RAD54L: variants seen among roughly 807,000 people sequenced by gnomAD.
RAD54L encodes RAD54 like.
Under a neutral mutation model 91.6 loss-of-function variants are expected in RAD54L, and 74 were observed. The ratio of observed to expected loss-of-function variants is 0.81; its 90% CI spans 0.67 to 0.98. The LOEUF (loss-of-function observed/expected upper bound fraction) is 0.98, where lower values mean the gene tolerates loss of function less well. Among genes scored for constraint, RAD54L ranks in the 50% least tolerant of loss-of-function variants. RAD54L has a pLI of 0.00. For synonymous variants in RAD54L, 304 were observed against 349.7 expected, an observed-to-expected ratio of 0.87 and a Z score of 1.46; for missense variants, 887 against 945.7, an observed-to-expected ratio of 0.94 and a Z score of 0.81.
At position 46,248,229 on chromosome 1, in the gene RAD54L, CA is replaced by C. The variant is rs147994522; in HGVS notation, c.-174del. 6.1e-4 allele frequency: 505 copies of C among 833,998 alleles called. 1 individual carries two copies. The African/African-American group carries it at 7.6e-3, about 13-fold the overall frequency. The allele number at this position is 833,998 out of a possible 1,614,324, so 51.7% of individuals were successfully genotyped here. A position where few individuals can be genotyped will look rare whatever the true frequency, so the allele number is the denominator to read the frequency against. On this transcript the variant is annotated 5_prime_UTR_variant, in exon 1 of 18. Transcript: ENST00000371975. ...GACGGCCACTCTCACAGTTTGGTTCCAAACACCAGTTCCTGGATGGATTCCC... is the reference window on the plus strand; with the variant it reads ...GACGGCCACTCTCACAGTTTGGTTCCAACACCAGTTCCTGGATGGATTCCC...
At chr1:46,273,534 G>A (rs1660497987) in intron 13 of RAD54L, 69 bp downstream of exon 13, 1 of 1,611,192 alleles carries the variant, frequency 6.2e-7, no homozygotes, top group Non-Finnish European at 8.5e-7. Context: ...TTGTGCTAGG[G>A]CTGTCCTGTT....
At chr1:46,255,642 G>A (rs1413389504) in intron 3 of RAD54L, among the ~76,000 whole-genome samples, 1 of 151,900 alleles carries the variant, frequency 6.6e-6, no homozygotes, top group African/African-American at 2.4e-5. Context: ...GGAATTATAG[G>A]TGCCCGCCCC....
At chr1:46,256,507 A>G (rs1426532831) in intron 3 of RAD54L, among the ~76,000 whole-genome samples, 1 of 152,122 alleles carries the variant, frequency 6.6e-6, no homozygotes. Flanking sequence ...TTGGGAGGCC[A>G]AGGTGAGAAA....
rs1659707946 is a variant in RAD54L at position 46,248,410 on chromosome 1, T to G, written c.3+2T>G. The stretch of plus-strand genomic sequence containing the variant: ...TTTTAAACTCCTAGGCCCAGGATGG[T>G]AAGTGTGGGCCTAGGGGAGACTGGG... On this transcript the variant is annotated splice_donor_variant, in intron 1 of 17. Transcript: ENST00000371975. LOFTEE classifies it high-confidence loss of function. 3.7e-6 allele frequency: 6 copies of G among 1,613,812 alleles called. No homozygotes were observed. The highest frequency in any genetic ancestry group is 5.1e-6 in the Non-Finnish European group (6 of 1,180,024).
intron 13 of RAD54L, 55 bp downstream of exon 13, chr1:46,273,520 T>A (rs1484445672): frequency 1.9e-6 from 3 of 1,611,412 alleles, no homozygotes; most frequent in Non-Finnish European, 1.7e-6. Flanking sequence ...TGGGAGATTT[T>A]TTTTTGTGCT....
At chr1:46,267,738 G>A in intron 9 of RAD54L, 129 bp downstream of exon 9, 1 of 1,271,200 alleles carries the variant, frequency 7.9e-7, no homozygotes, top group Non-Finnish European at 1.1e-6. Flanking sequence ...CTTGTAGGAA[G>A]GCTTCTCTTG....
rs373171339 is a variant in RAD54L at position 46,259,952 on chromosome 1, A to C, written c.272-12A>C. On this transcript the variant is annotated splice_polypyrimidine_tract_variant and intron_variant, in intron 4 of 17. Transcript: ENST00000371975. ...CATAGATTCAGGTGACGGAATGATT[A>C]TTGGTTTGTAGGTCCTCTGGGCTCT... is the stretch of plus-strand genomic sequence containing the variant. 61 of 1,613,914 alleles carry C rather than the reference A, an allele frequency of 3.8e-5. No homozygotes were observed. The highest frequency in any genetic ancestry group is 5.1e-5 in the Non-Finnish European group (60 of 1,180,000).
intron 8 of RAD54L, among the ~76,000 whole-genome samples, chr1:46,264,444 T>C (rs933880217): frequency 6.6e-6 from 1 of 152,254 alleles, no homozygotes; most frequent in African/African-American, 2.4e-5. Context: ...ATGTACAAAA[T>C]CTTTGATCCT....
chr1:46,267,707 A>G (rs900244997), intron 9 of RAD54L, 98 bp downstream of exon 9: 8 of 1,449,354 alleles, frequency 5.5e-6, no homozygotes, highest in Non-Finnish European at 7.7e-6. Flanking sequence ...AATGCTAGTT[A>G]TATGTGGGTC....
chr1:46,261,273 A>G lies in RAD54L; in HGVS notation c.779A>G (p.Asn260Ser), dbSNP rs1381728420. ...EIDQKLEGFMNQRGARVSSPI... is the reference protein window; with the variant it reads ...EIDQKLEGFMSQRGARVSSPI... ...TTTTCTGTTGTAGAAGGATTCATGA[A>G]CCAGCGTGGAGCCAGGGTGTCTTCT... The change falls in exon 8 of 18, where the codon AAC (asparagine) becomes AGC (serine). Residue 260 changes from asparagine (N) to serine (S), a missense_variant. Coordinates refer to ENST00000371975, the MANE Select transcript of RAD54L (RefSeq NM_003579.4). 2 of 1,613,338 alleles carry G rather than the reference A, an allele frequency of 1.2e-6. No homozygotes were observed. The highest frequency in any genetic ancestry group is 1.3e-5 in the African/African-American group (1 of 74,598).
At position 46,272,758 on chromosome 1, in the gene RAD54L, T is replaced by A. The variant is rs121908689; in HGVS notation, c.1331T>A (p.Val444Glu). The A allele has an allele frequency of 6.2e-7, 1 of 1,614,162 alleles. No homozygotes were observed. Among genetic ancestry groups the A allele is most frequent in the East Asian group, 2.2e-5 (1 of 44,876 alleles). ...AEELLEGKMS[V>E]SSLSSITSLK... ...GAATTGCTTGAGGGCAAGATGAGTG[T>A]GTCTTCCCTTTCTTCCATCACCTCG... The change falls in exon 12 of 18, where the codon GTG becomes GAG. Residue 444 changes from valine to glutamate, a missense_variant. By Grantham distance (121) the Val-to-Glu change is moderately radical (BLOSUM62 -2). Coordinates refer to ENST00000371975, the MANE Select transcript of RAD54L (RefSeq NM_003579.4).
At chr1:46,255,084 A>G (rs557561642) in intron 3 of RAD54L, among the ~76,000 whole-genome samples, 1 of 152,302 alleles carries the variant, frequency 6.6e-6, no homozygotes, top group Non-Finnish European at 1.5e-5. Context: ...GCCATTCGTG[A>G]TCTTGGCCAG....
Position 46,272,025 on chromosome 1 carries a change from C to CTTTTTTTTTTTTTTTTTTT in RAD54L, c.1170-425_1170-407dup, listed in dbSNP as rs1162693010. On this transcript the variant is annotated intron_variant, in intron 10 of 17. Coordinates refer to ENST00000371975, the MANE Select transcript of RAD54L (RefSeq NM_003579.4). ...GATGTGTTTGACATAGGTCTGATGACTTTTTTTTTTTTTTTTTTTTTTTTT... is the reference window on the plus strand; with the variant it reads ...GATGTGTTTGACATAGGTCTGATGACTTTTTTTTTTTTTTTTTTTTTTTTTTTTTTTTTTTTTTTTTTTT... 4.1e-4 allele frequency among the ~76,000 whole-genome samples: 17 copies of CTTTTTTTTTTTTTTTTTTT among 41,170 alleles called. 3 individuals are homozygous for CTTTTTTTTTTTTTTTTTTT. Among genetic ancestry groups the CTTTTTTTTTTTTTTTTTTT allele is most frequent in the African/African-American group, 6.6e-4 (5 of 7,538 alleles). 27.0% of individuals were successfully genotyped at this position (41,170 alleles called of 152,430 possible). A position where few individuals can be genotyped will look rare whatever the true frequency, so the allele number is the denominator to read the frequency against.
At position 46,260,575 on chromosome 1, in the gene RAD54L, T is replaced by C. The variant is rs1660081663; in HGVS notation, c.441T>C (p.Pro147=). Residue 147 remains proline (P), a synonymous_variant, in exon 6 of 18, where the codon CCT becomes CCC. Transcript: ENST00000371975. The part of the protein sequence containing the change: ...EKLPVHVVVD[P]ILSKVLRPHQ... ...TCCCTGTCCATGTGGTTGTTGACCCTATTCTCAGTAAGGTTTTGCGGCCTC... is the reference window on the plus strand; with the variant it reads ...TCCCTGTCCATGTGGTTGTTGACCCCATTCTCAGTAAGGTTTTGCGGCCTC... 6.2e-7 allele frequency: 1 copy of C among 1,614,050 alleles called. No homozygotes were observed. The highest frequency in any genetic ancestry group is 1.3e-5 in the African/African-American group (1 of 74,926).
chr1:46,268,243 G>A (rs980477041), intron 9 of RAD54L, among the ~76,000 whole-genome samples: 17 of 152,068 alleles, frequency 1.1e-4, no homozygotes, highest in African/African-American at 4.1e-4. Flanking sequence ...GTGTGTGCTG[G>A]TGGTCCTAGC....
intron 3 of RAD54L, among the ~76,000 whole-genome samples, chr1:46,256,809 T>C (rs1659954102): frequency 6.6e-6 from 1 of 151,964 alleles, no homozygotes; most frequent in South Asian, 2.1e-4. Flanking sequence ...TTTTCTGTCT[T>C]CTAATATCAC....
At chr1:46,277,363 T>C (rs1660640958) in intron 16 of RAD54L, 1 of 232,468 alleles carries the variant, frequency 4.3e-6, no homozygotes, top group African/African-American at 2.3e-5. Context: ...TATAGATTTC[T>C]ATCATTGTAT....
intron 3 of RAD54L, among the ~76,000 whole-genome samples, chr1:46,256,827 A>C (rs1367277107): frequency 1.3e-5 from 2 of 151,648 alleles, no homozygotes; most frequent in Non-Finnish European, 2.9e-5. Context: ...CACAAAAAAA[A>C]TTCATTACTT....
intron 4 of RAD54L, 119 bp from the exon 5 acceptor site, chr1:46,259,845 C>G: frequency 7.4e-7 from 1 of 1,352,558 alleles, no homozygotes; most frequent in Non-Finnish European, 1.1e-6. Context: ...GAGGCATTCT[C>G]AGAGAGAGAG....
Sources: gnomAD v4.1 joint callset for allele counts (sites outside exome capture counted in the v4.1 genomes callset) on GRCh38, gnomAD v4.1.1 for gene constraint, MANE v1.5 for transcripts, NCBI Gene and HGNC (gene_info 2026-07-23, HGNC 2026-07-21) for gene names.